The following RB1 variants were observed in gnomAD, a reference collection of about 807,000 sequenced individuals.
RB1 encodes RB transcriptional corepressor 1, also known as retinoblastoma-associated protein.
RB1 carries 18 observed loss-of-function variants against 135.4 expected under a neutral mutation model. The ratio of observed to expected loss-of-function variants is 0.13; its 90% CI spans 0.09 to 0.20. The LOEUF (loss-of-function observed/expected upper bound fraction) is 0.20, where lower values mean the gene tolerates loss of function less well. Among genes scored for constraint, RB1 ranks in the 10% least tolerant of loss-of-function variants. The pLI, the probability that RB1 is intolerant of heterozygous loss-of-function variation, is 1.00. For synonymous variants in RB1, 365 were observed against 373.2 expected, an observed-to-expected ratio of 0.98 and a Z score of 0.25; for missense variants, 868 against 1,110.0, an observed-to-expected ratio of 0.78 and a Z score of 3.10.
At chr13:48,392,784 A>G (rs9591163) in intron 17 of RB1, among the ~76,000 whole-genome samples, 8,964 of 150,682 alleles carry the variant, frequency 0.059, 587 homozygotes, top group African/African-American at 0.16. Context: ...TAAGAGTCGT[A>G]TGTTTCTGCT....
At chr13:48,385,088 CAATA>C (rs1416741820) in intron 17 of RB1, among the ~76,000 whole-genome samples, 1 of 152,114 alleles carries the variant, frequency 6.6e-6, no homozygotes, top group Non-Finnish European at 1.5e-5. Context: ...CATATTTTTT[CAATA>C]AATGTTTATA....
intron 2 of RB1, among the ~76,000 whole-genome samples, chr13:48,338,200 T>C (rs1023736934): frequency 5.3e-5 from 8 of 152,176 alleles, no homozygotes; most frequent in African/African-American, 1.9e-4. Flanking sequence ...GCATTCTCTG[T>C]ATTTCCTGAA....
chr13:48,315,860 C>T (rs941147410), intron 2 of RB1, among the ~76,000 whole-genome samples: 1 of 152,000 alleles, frequency 6.6e-6, no homozygotes, highest in Non-Finnish European at 1.5e-5. Context: ...GGGTAGATAC[C>T]CAGTAGTGGG....
At chr13:48,371,390 T>G (rs1428194713) in intron 11 of RB1, among the ~76,000 whole-genome samples, 1 of 152,150 alleles carries the variant, frequency 6.6e-6, no homozygotes, top group African/African-American at 2.4e-5. Context: ...TTTTTAAAAA[T>G]TTTGTGTCCC....
chr13:48,398,697 C>T (rs766270900), intron 17 of RB1, among the ~76,000 whole-genome samples: 1 of 152,044 alleles, frequency 6.6e-6, no homozygotes, highest in Non-Finnish European at 1.5e-5. Context: ...AGGTCTCTGT[C>T]ACTGTACTAC....
intron 17 of RB1, chr13:48,412,377 TTAAAG>T: frequency 6.2e-7 from 1 of 1,614,042 alleles, no homozygotes; most frequent in Non-Finnish European, 8.5e-7. Context: ...CAAAGTGTAC[TTAAAG>T]GAGTCATTAT....
intron 13 of RB1, among the ~76,000 whole-genome samples, chr13:48,377,257 A>C (rs1318498085): frequency 6.6e-6 from 1 of 152,194 alleles, no homozygotes; most frequent in Non-Finnish European, 1.5e-5. Flanking sequence ...ACACATAGCC[A>C]TTGTAGAAAT....
At chr13:48,478,907 T>C (rs991123805) in intron 26 of RB1, among the ~76,000 whole-genome samples, 6 of 152,182 alleles carry the variant, frequency 3.9e-5, no homozygotes, top group Admixed American at 6.5e-5. Context: ...TTTGTCTATA[T>C]TGTAATTCAT....
chr13:48,465,608 G>A (rs931936397), intron 23 of RB1, among the ~76,000 whole-genome samples: 1 of 151,892 alleles, frequency 6.6e-6, no homozygotes, highest in South Asian at 2.1e-4. Context: ...CGTGAGCGAC[G>A]CAGAAGACGG....
chr13:48,411,151 T>C (rs1409870709), intron 17 of RB1: 2 of 378,950 alleles, frequency 5.3e-6, no homozygotes, highest in Non-Finnish European at 9.7e-6. Flanking sequence ...CTTTAAGAGA[T>C]TTTTTTTAAT....
chr13:48,430,631 T>G (rs1368007040), intron 17 of RB1, among the ~76,000 whole-genome samples: 5 of 152,024 alleles, frequency 3.3e-5, no homozygotes, highest in Non-Finnish European at 2.9e-5. Context: ...TCCCAGATAC[T>G]CGGAAGGCTG....
chr13:48,450,712 G>A (rs1012748220), intron 17 of RB1, among the ~76,000 whole-genome samples: 11 of 152,064 alleles, frequency 7.2e-5, no homozygotes, highest in Non-Finnish European at 1.3e-4. Flanking sequence ...TTCTAATTCT[G>A]TGAAGAAAGT....
chr13:48,354,097 G>A (rs1288158918), intron 6 of RB1, among the ~76,000 whole-genome samples: 1 of 151,936 alleles, frequency 6.6e-6, no homozygotes, highest in Non-Finnish European at 1.5e-5. Context: ...AGAGTAGTCA[G>A]ACAAAAGATA....
At chr13:48,434,151 ATTC>A (rs1381394059) in intron 17 of RB1, among the ~76,000 whole-genome samples, 1 of 152,054 alleles carries the variant, frequency 6.6e-6, no homozygotes, top group Non-Finnish European at 1.5e-5. Context: ...AAGTTTTAAA[ATTC>A]TTCTTCAATG....
intron 9 of RB1, 50 bp downstream of exon 9, chr13:48,365,021 G>C (rs1199047357): frequency 2.6e-6 from 4 of 1,520,962 alleles, no homozygotes; most frequent in Non-Finnish European, 3.5e-6. Flanking sequence ...AGACTGTGGA[G>C]GGAGGATAAT....
chr13:48,349,524 A>T (rs957396868), intron 6 of RB1, among the ~76,000 whole-genome samples: 2 of 152,002 alleles, frequency 1.3e-5, no homozygotes, highest in Non-Finnish European at 2.9e-5. Context: ...CCTCAAACCA[A>T]AAAACATACA....
chr13:48,346,637 A>G (rs1002842835), intron 4 of RB1, among the ~76,000 whole-genome samples: 11 of 152,148 alleles, frequency 7.2e-5, no homozygotes, highest in African/African-American at 2.6e-4. Context: ...ATATCTAAAC[A>G]TAAAATGTTA....
chr13:48,326,275 C>A (rs2138062863), intron 2 of RB1, among the ~76,000 whole-genome samples: 1 of 151,894 alleles, frequency 6.6e-6, no homozygotes, highest in East Asian at 1.9e-4. Context: ...TGCCTAATTT[C>A]TTTTTTTTCC....
At chr13:48,379,271 T>G (rs1948510736) in intron 13 of RB1, among the ~76,000 whole-genome samples, 1 of 152,188 alleles carries the variant, frequency 6.6e-6, no homozygotes, top group Admixed American at 6.5e-5. Flanking sequence ...TTGGGAATGT[T>G]AATCACCACT....
Sources: gnomAD v4.1 joint callset for allele counts (sites outside exome capture counted in the v4.1 genomes callset) on GRCh38, gnomAD v4.1.1 for gene constraint, MANE v1.5 for transcripts, NCBI Gene and HGNC (gene_info 2026-07-23, HGNC 2026-07-21) for gene names.